The following C5AR2 variants were observed in gnomAD, a reference collection of about 807,000 sequenced individuals.
The protein encoded by C5AR2 is C5a anaphylatoxin chemotactic receptor 2.
For missense variants in C5AR2, 458 were observed against 467.5 expected (o/e 0.98, Z 0.19); for synonymous variants, 224 against 216.5 (o/e 1.03, Z -0.30).
chr19:47,336,638 T>C (rs1447503004), intron 1 of C5AR2, among the ~76,000 whole-genome samples: 2 of 151,652 alleles, frequency 1.3e-5, no homozygotes, highest in African/African-American at 4.9e-5. Context: ...TTAGAAAAGG[T>C]TGGGATTGCA....
rs1969061919 is a variant in C5AR2, at chr19:47,342,674, C to G, written c.*861C>G. 1 of 152,566 alleles carries G rather than the reference C, an allele frequency of 6.6e-6. No homozygotes were observed. The highest frequency in any genetic ancestry group is 6.6e-5 in the Admixed American group (1 of 15,240). 9.5% of individuals were successfully genotyped at this position (152,566 alleles called of 1,614,324 possible). ...GGGATTACAGGCGTGAGCCACCGCA[C>G]CCGGCCAAAAGATTTTAATAGGATC... On this transcript the variant is annotated 3_prime_UTR_variant, in exon 2 of 2. Transcript: ENST00000595464.
At position 47,344,727 on chromosome 19, in the gene C5AR2, C is replaced by T. The variant is rs1969094038; in HGVS notation, c.*2914C>T. 6.6e-6 allele frequency: 1 copy of T among 152,164 alleles called. No individual in the cohort carries two copies. The highest frequency in any genetic ancestry group is 2.1e-4 in the South Asian group (1 of 4,830). 9.4% of individuals were successfully genotyped at this position (152,164 alleles called of 1,614,324 possible). A position where few individuals can be genotyped will look rare whatever the true frequency, so the allele number is the denominator to read the frequency against. On this transcript the variant is annotated 3_prime_UTR_variant, in exon 2 of 2. Coordinates refer to ENST00000595464, the MANE Select transcript of C5AR2 (RefSeq NM_001271749.2). Reference sequence around the variant, plus strand: ...TCTGGAACACAAGGTCCCAGCTAAACTGTAAATTCCCCAAGGGTAACAACT... The same window carrying T: ...TCTGGAACACAAGGTCCCAGCTAAATTGTAAATTCCCCAAGGGTAACAACT...
chr19:47,336,818 T>G (rs1599739581), intron 1 of C5AR2, among the ~76,000 whole-genome samples: 1 of 151,974 alleles, frequency 6.6e-6, no homozygotes. Context: ...CTGGCTAAAT[T>G]CTGCACACCT....
intron 1 of C5AR2, among the ~76,000 whole-genome samples, chr19:47,340,014 G>T (rs1309976830): frequency 6.6e-6 from 1 of 151,748 alleles, no homozygotes; most frequent in Non-Finnish European, 1.5e-5. Flanking sequence ...CCTGGCTGGA[G>T]TGCAGGGGTA....
rs568609440 is a variant in C5AR2, at chr19:47,332,629, C to T, written c.-16+280C>T. Among the ~76,000 whole-genome samples, 229 of 152,190 alleles carry T rather than the reference C, an allele frequency of 1.5e-3. 1 individual carries two copies. The highest frequency in any genetic ancestry group is 2.7e-3 in the Non-Finnish European group (184 of 67,992). ...TTGCCCAGGCTGGAGTGCAATGGTG[C>T]CATCTTGGCTCACCGCAACCTCCAC... On this transcript the variant is annotated intron_variant, in intron 1 of 1. Transcript: ENST00000595464.
chr19:47,335,001 C>T (rs1394958723), intron 1 of C5AR2, among the ~76,000 whole-genome samples: 2 of 151,800 alleles, frequency 1.3e-5, no homozygotes, highest in Non-Finnish European at 2.9e-5. Context: ...TCTCCTGCCT[C>T]GGCCTTCTGA....
Position 47,340,825 on chromosome 19 carries a change from A to T in C5AR2, c.26A>T (p.Glu9Val). 1.2e-6 allele frequency: 2 copies of T among 1,613,448 alleles called. No individual in the cohort carries two copies. Among genetic ancestry groups the T allele is most frequent in the African/African-American group, 2.7e-5 (2 of 75,028 alleles). The part of the protein sequence containing the change: MGNDSVSY[E>V]YGDYSDLSDR... Reference sequence around the variant, plus strand: ...ATGGGGAACGATTCTGTCAGCTACGAGTATGGGGATTACAGCGACCTCTCG... The same window carrying T: ...ATGGGGAACGATTCTGTCAGCTACGTGTATGGGGATTACAGCGACCTCTCG... Residue 9 changes from glutamate to valine, a missense_variant, in exon 2 of 2, where the codon GAG (glutamate) becomes GTG (valine). Glu to Val is a moderately radical substitution (Grantham distance 121). Coordinates refer to ENST00000595464, the MANE Select transcript of C5AR2 (RefSeq NM_001271749.2).
In C5AR2 at chr19:47,335,771, C is replaced by A. The variant is rs544951212; in HGVS notation, c.-16+3422C>A. 1.8e-3 allele frequency among the ~76,000 whole-genome samples: 41 copies of A among 23,036 alleles called. 2 individuals carry two copies. The highest frequency in any genetic ancestry group is 2.4e-3 in the Non-Finnish European group (35 of 14,796). The allele number at this position is 23,036 out of a possible 152,430, so 15.1% of individuals were successfully genotyped here. On this transcript the variant is annotated intron_variant, in intron 1 of 1. Transcript: ENST00000595464. ...TGGGCGACAGAGTGATACTCCGTCTCAAAAAAAAAAAAAAAAAAAAAAAAA... is the reference window on the plus strand; with the variant it reads ...TGGGCGACAGAGTGATACTCCGTCTAAAAAAAAAAAAAAAAAAAAAAAAAA...
Position 47,341,698 on chromosome 19 carries a change from G to T in C5AR2, c.899G>T (p.Arg300Leu). 1.2e-6 allele frequency: 2 copies of T among 1,614,050 alleles called. No individual in the cohort carries two copies. The highest frequency in any genetic ancestry group is 2.2e-5 in the East Asian group (1 of 44,870). Residue 300 changes from arginine (R) to leucine (L), a missense_variant, in exon 2 of 2, where the codon CGC becomes CTC. Physicochemically the swap from Arg to Leu is moderately radical, Grantham distance 102. Coordinates refer to ENST00000595464, the MANE Select transcript of C5AR2 (RefSeq NM_001271749.2). The surrounding 1 kb of genome is among the most constrained non-coding windows in gnomAD (Gnocchi z 4.6). ...LFLYFGRAQL[R>L]RSLPAACHWA... Reference sequence around the variant, plus strand: ...CTGTATTTTGGGAGGGCTCAACTCCGCCGGTCACTGCCAGCTGCCTGTCAC... The same window carrying T: ...CTGTATTTTGGGAGGGCTCAACTCCTCCGGTCACTGCCAGCTGCCTGTCAC...
At chr19:47,335,854 T>C (rs1599738859) in intron 1 of C5AR2, among the ~76,000 whole-genome samples, 2 of 121,634 alleles carry the variant, frequency 1.6e-5, no homozygotes, top group South Asian at 5.7e-4. Context: ...AAGGGTGGAG[T>C]CTTTGCGGGG....
intron 1 of C5AR2, among the ~76,000 whole-genome samples, chr19:47,335,541 G>C (rs1232988772): frequency 6.6e-6 from 1 of 151,588 alleles, no homozygotes; most frequent in Non-Finnish European, 1.5e-5. Flanking sequence ...GGGAGGCCGA[G>C]GTGGGCGGAT....
At chr19:47,337,356 A>G (rs1262854304) in intron 1 of C5AR2, among the ~76,000 whole-genome samples, 3 of 152,160 alleles carry the variant, frequency 2.0e-5, no homozygotes, top group African/African-American at 7.2e-5. Flanking sequence ...GCGGGGACTA[A>G]CACACTTTGA....
intron 1 of C5AR2, among the ~76,000 whole-genome samples, chr19:47,333,074 G>T (rs1256355367): frequency 6.6e-6 from 1 of 152,006 alleles, no homozygotes; most frequent in African/African-American, 2.4e-5. Flanking sequence ...GTGCGATCTT[G>T]GCTCACTGCA....
intron 1 of C5AR2, among the ~76,000 whole-genome samples, chr19:47,338,447 A>C (rs1599740590): frequency 0.011 from 1 of 88 alleles, no homozygotes; most frequent in Non-Finnish European, 0.033. Flanking sequence ...ATCTGTCCCT[A>C]AAAAAAAAAA....
chr19:47,336,747 G>A (rs1303996502), intron 1 of C5AR2, among the ~76,000 whole-genome samples: 2 of 151,392 alleles, frequency 1.3e-5, no homozygotes, highest in African/African-American at 2.4e-5. Flanking sequence ...GGCCTCAAGC[G>A]ATCCTTCCTC....
chr19:47,332,454 T>G (rs1027772217), intron 1 of C5AR2, 105 bp downstream of exon 1: 1 of 152,226 alleles, frequency 6.6e-6, no homozygotes, highest in African/African-American at 2.4e-5. Flanking sequence ...AACTAGAGTT[T>G]GAGAAGTGCA....
At position 47,335,322 on chromosome 19, in the gene C5AR2, A is replaced by C. The variant is rs185779089; in HGVS notation, c.-16+2973A>C. Among the ~76,000 whole-genome samples the C allele has an allele frequency of 1.6e-4, 24 of 152,270 alleles. No homozygotes were observed. In the East Asian group the frequency reaches 4.6e-3, roughly 29 times the overall value. On this transcript the variant is annotated intron_variant, in intron 1 of 1. Coordinates refer to ENST00000595464, the MANE Select transcript of C5AR2 (RefSeq NM_001271749.2). ...GGGGTTGATATCTGTACAGATAGAC[A>C]GGAAAACAGATATCGGGCACGTTAA... is the stretch of plus-strand genomic sequence containing the variant.
At chr19:47,335,771 C>CAAAAAAAAAAAAAAAAAAAAA (rs768761019) in intron 1 of C5AR2, among the ~76,000 whole-genome samples, 1 of 23,030 alleles carries the variant, frequency 4.3e-5, no homozygotes, top group African/African-American at 2.1e-4. Flanking sequence ...TACTCCGTCT[C>CAAAAAAAAAAAAAAAAAAAAA]AAAAAAAAAA....
chr19:47,341,063 C>T lies in C5AR2; in HGVS notation c.264C>T (p.Pro88=), dbSNP rs1446203403. The change falls in exon 2 of 2, where the codon CCC becomes CCT. Residue 88 remains proline (P), a synonymous_variant. Transcript: ENST00000595464. This position sits in a 1 kb window ranked among gnomAD's most constrained non-coding sequence, Gnocchi z 4.6. The part of the protein sequence containing the change: ...VADLLCCLSL[P]ILAVPIARGG... Reference sequence around the variant, plus strand: ...ATTTGCTGTGCTGTTTGTCTCTGCCCATCCTGGCAGTGCCCATTGCCCGTG... The same window carrying T: ...ATTTGCTGTGCTGTTTGTCTCTGCCTATCCTGGCAGTGCCCATTGCCCGTG... 4 of 1,606,056 alleles carry T rather than the reference C, an allele frequency of 2.5e-6. No homozygotes were observed. Among genetic ancestry groups the T allele is most frequent in the African/African-American group, 2.7e-5 (2 of 74,948 alleles).
Sources: allele counts gnomAD v4.1 joint callset (sites outside exome capture counted in the v4.1 genomes callset), GRCh38; gene constraint gnomAD v4.1.1; non-coding constraint Gnocchi (gnomAD v3.1); transcripts MANE v1.5; gene names NCBI Gene and HGNC (gene_info 2026-07-23, HGNC 2026-07-21).